SMARCB1: variants seen among roughly 807,000 people sequenced by gnomAD.
SMARCB1 encodes SWI/SNF-related matrix-associated actin-dependent regulator of chromatin subfamily B member 1.
A neutral mutation model predicts 49.0 loss-of-function variants in SMARCB1; 5 were observed. The ratio of observed to expected loss-of-function variants is 0.10; its 90% CI spans 0.05 to 0.21. The LOEUF is 0.21. Among genes scored for constraint, SMARCB1 ranks in the 10% least tolerant of loss-of-function variants. SMARCB1 has a pLI of 1.00. For missense variants in SMARCB1, 226 were observed against 509.2 expected (o/e 0.44, Z 5.35); for synonymous variants, 201 against 200.1 (o/e 1.00, Z -0.04).
In SMARCB1 at chr22:23,835,324, A is replaced by C. The variant is rs9612484; in HGVS notation, c.*1144A>C. The C allele has an allele frequency of 0.49, 493,769 of 1,012,928 alleles. 125,680 individuals carry two copies. Among genetic ancestry groups the C allele is most frequent in the Admixed American group, 0.52 (8,911 of 17,080 alleles). The allele number at this position is 1,012,928 out of a possible 1,614,324, so 62.7% of individuals were successfully genotyped here. ...TCCAGCCTTACTGAAGAGAATGGGC[A>C]CAGATCCGGGCACAGATCCCAGCAC... On this transcript the variant is annotated 3_prime_UTR_variant, in exon 9 of 9. Coordinates refer to ENST00000644036, the MANE Select transcript of SMARCB1 (RefSeq NM_003073.5).
intron 6 of SMARCB1, 38 bp downstream of exon 6, chr22:23,816,974 C>T (rs1196293270): frequency 6.3e-7 from 1 of 1,578,684 alleles, no homozygotes; most frequent in Admixed American, 1.7e-5. Context: ...GCCTTCCTGG[C>T]CCTCAGGGTG....
At chr22:23,807,719 C>A (rs1180809873) in intron 5 of SMARCB1, among the ~76,000 whole-genome samples, 1 of 151,706 alleles carries the variant, frequency 6.6e-6, no homozygotes, top group African/African-American at 2.4e-5. Flanking sequence ...AGAAAAAAAT[C>A]TTGAGAGCAA....
chr22:23,837,672 G>A lies in SMARCB1; in HGVS notation c.*3492G>A, dbSNP rs773431388. 26 of 1,613,110 alleles carry A rather than the reference G, an allele frequency of 1.6e-5. No homozygotes were observed. The highest frequency in any genetic ancestry group is 1.2e-4 in the South Asian group (11 of 91,054). The stretch of plus-strand genomic sequence containing the variant: ...CGGGAGGCTCACCCAGCAGGTCCAC[G>A]AGGATGGAGTTGCCCAGCAGCAGCG... On this transcript the variant is annotated 3_prime_UTR_variant, in exon 9 of 9. Coordinates refer to ENST00000644036, the MANE Select transcript of SMARCB1 (RefSeq NM_003073.5).
chr22:23,821,775 TG>T (rs2030099059), intron 6 of SMARCB1, among the ~76,000 whole-genome samples: 1 of 151,176 alleles, frequency 6.6e-6, no homozygotes, highest in South Asian at 2.1e-4. Flanking sequence ...TGCTTGAACC[TG>T]GGAGGCGGAG....
At chr22:23,789,359 G>C (rs541437347) in intron 1 of SMARCB1, among the ~76,000 whole-genome samples, 2 of 152,196 alleles carry the variant, frequency 1.3e-5, no homozygotes, top group Non-Finnish European at 2.9e-5. Flanking sequence ...GATACTAGGC[G>C]AGTTGTTTAC....
intron 1 of SMARCB1, among the ~76,000 whole-genome samples, chr22:23,788,408 T>C (rs1928150891): frequency 6.6e-6 from 1 of 152,194 alleles, no homozygotes; most frequent in African/African-American, 2.4e-5. Context: ...TATTCCAGCA[T>C]TTTATTCGTA....
chr22:23,836,423 G>A lies in SMARCB1; in HGVS notation c.*2243G>A. 1.0e-6 allele frequency: 1 copy of A among 988,258 alleles called. No individual in the cohort carries two copies. The highest frequency in any genetic ancestry group is 1.2e-6 in the Non-Finnish European group (1 of 831,994). 61.2% of individuals were successfully genotyped at this position (988,258 alleles called of 1,614,324 possible). A position where few individuals can be genotyped will look rare whatever the true frequency, so the allele number is the denominator to read the frequency against. On this transcript the variant is annotated 3_prime_UTR_variant, in exon 9 of 9. Transcript: ENST00000644036. ...GGAGACGCCTGTCCTGGCCCCAGCA[G>A]CCGAAATCTGGTGAACTTCCCCGCT... is the stretch of plus-strand genomic sequence containing the variant.
intron 5 of SMARCB1, among the ~76,000 whole-genome samples, chr22:23,810,929 G>A (rs1052245757): frequency 6.6e-6 from 1 of 151,862 alleles, no homozygotes; most frequent in African/African-American, 2.4e-5. Context: ...ACTCGGGAAC[G>A]GGAAGCTGTG....
chr22:23,798,907 G>A (rs1199393008), intron 3 of SMARCB1, among the ~76,000 whole-genome samples: 4 of 152,052 alleles, frequency 2.6e-5, no homozygotes, highest in Non-Finnish European at 4.4e-5. Context: ...AAACTTAGCC[G>A]GGCGTGGTGG....
Position 23,835,669 on chromosome 22 carries a change from A to T in SMARCB1, c.*1489A>T. 11 of 985,540 alleles carry T rather than the reference A, an allele frequency of 1.1e-5. No individual in the cohort carries two copies. Among genetic ancestry groups the T allele is most frequent in the Non-Finnish European group, 1.3e-5 (11 of 829,968 alleles). The allele number at this position is 985,540 out of a possible 1,614,324, so 61.0% of individuals were successfully genotyped here. A position where few individuals can be genotyped will look rare whatever the true frequency, so the allele number is the denominator to read the frequency against. On this transcript the variant is annotated 3_prime_UTR_variant, in exon 9 of 9. Transcript: ENST00000644036. ...GCCTTGAACAAAGGGGAAGATTCCC[A>T]GCCCAGCTGCTCTTAGACATGAACA... is the stretch of plus-strand genomic sequence containing the variant.
intron 1 of SMARCB1, among the ~76,000 whole-genome samples, chr22:23,789,308 G>A (rs1055733441): frequency 2.6e-5 from 4 of 152,252 alleles, no homozygotes; most frequent in Non-Finnish European, 4.4e-5. Flanking sequence ...GTAGGCACCT[G>A]CCTAACTGCA....
chr22:23,820,232 A>G (rs2030010280), intron 6 of SMARCB1, among the ~76,000 whole-genome samples: 1 of 151,828 alleles, frequency 6.6e-6, no homozygotes, highest in Non-Finnish European at 1.5e-5. Flanking sequence ...TATCAGGGCA[A>G]TGAGTTAAAG....
In SMARCB1 at chr22:23,837,725, A is replaced by AC; in HGVS notation, c.*3546dup. ...AAGCCCATGAGCGCCCAAGGCAGGA[A>AC]CGGTGCCTGGAAAGTGAGCAGGCCG... On this transcript the variant is annotated 3_prime_UTR_variant, in exon 9 of 9. Transcript: ENST00000644036. 1.2e-6 allele frequency: 2 copies of AC among 1,614,022 alleles called. No individual in the cohort carries two copies. The highest frequency in any genetic ancestry group is 2.7e-5 in the African/African-American group (2 of 75,048).
chr22:23,814,494 C>T (rs957490903), intron 5 of SMARCB1, among the ~76,000 whole-genome samples: 2 of 151,796 alleles, frequency 1.3e-5, no homozygotes, highest in Admixed American at 6.6e-5. Context: ...GGAGAAACCT[C>T]GTCTCTACTA....
At chr22:23,789,528 C>T (rs553258193) in intron 1 of SMARCB1, among the ~76,000 whole-genome samples, 3 of 152,264 alleles carry the variant, frequency 2.0e-5, no homozygotes, top group South Asian at 2.1e-4. Flanking sequence ...GCCTTGCTGT[C>T]GTGTTTCTCA....
rs542725321 is a variant in SMARCB1, at chr22:23,830,433, G to C, written c.987-3139G>C. On this transcript the variant is annotated intron_variant, in intron 7 of 8. Coordinates refer to ENST00000644036, the MANE Select transcript of SMARCB1 (RefSeq NM_003073.5). ...TTTGCATGTATTTCTGGCTGTTTGT[G>C]TATCTTCTTTGGAGAAAGTGCTTTG... Among the ~76,000 whole-genome samples the C allele has an allele frequency of 5.6e-4, 86 of 152,238 alleles. 2 individuals carry two copies. In the South Asian group the frequency reaches 0.015, roughly 26 times the overall value.
intron 7 of SMARCB1, among the ~76,000 whole-genome samples, chr22:23,830,955 G>A (rs1268920782): frequency 1.3e-5 from 2 of 151,936 alleles, no homozygotes; most frequent in Admixed American, 6.6e-5. Flanking sequence ...CACTGCACCA[G>A]GCCTGTAATT....
At chr22:23,820,037 C>T (rs565433285) in intron 6 of SMARCB1, among the ~76,000 whole-genome samples, 9 of 152,054 alleles carry the variant, frequency 5.9e-5, no homozygotes, top group Middle Eastern at 3.4e-3. Context: ...ATCATATTGA[C>T]CAGGCTGGTC....
chr22:23,791,986 C>G, intron 2 of SMARCB1, 92 bp downstream of exon 2: 1 of 1,399,770 alleles, frequency 7.1e-7, no homozygotes, highest in Non-Finnish European at 1.0e-6. Context: ...GTCTTCACTG[C>G]AGCCTTGGCC....
Sources: gnomAD v4.1 joint callset for allele counts (sites outside exome capture counted in the v4.1 genomes callset) on GRCh38, gnomAD v4.1.1 for gene constraint, MANE v1.5 for transcripts, NCBI Gene and HGNC (gene_info 2026-07-23, HGNC 2026-07-21) for gene names.